The following NRCAM variants were observed in gnomAD, a reference collection of about 807,000 sequenced individuals.
NRCAM encodes the protein neuronal cell adhesion molecule.
In NRCAM, 83 loss-of-function variants were observed where a neutral mutation model predicts 156.5. That is an observed-to-expected ratio of 0.53 (90% CI 0.44 to 0.64). The LOEUF is 0.64. Among genes scored for constraint, NRCAM ranks in the 30% least tolerant of loss-of-function variants. NRCAM has a pLI of 0.00. For missense variants in NRCAM, 1,417 were observed against 1,597.3 expected (o/e 0.89, Z 1.92); for synonymous variants, 538 against 563.9 (o/e 0.95, Z 0.65).
chr7:108,168,611 T>G (rs141035599), intron 28 of NRCAM, among the ~76,000 whole-genome samples: 2 of 152,322 alleles, frequency 1.3e-5, no homozygotes, highest in Non-Finnish European at 2.9e-5. Flanking sequence ...TCAGAAATAA[T>G]GACGCATAAT....
intron 20 of NRCAM, among the ~76,000 whole-genome samples, chr7:108,189,428 T>C (rs997620043): frequency 6.6e-6 from 1 of 152,182 alleles, no homozygotes; most frequent in Non-Finnish European, 1.5e-5. Context: ...TTAGTCAACA[T>C]CTTCAGCAAT....
chr7:108,423,792 T>C (rs916098785), intron 1 of NRCAM, among the ~76,000 whole-genome samples: 1 of 152,218 alleles, frequency 6.6e-6, no homozygotes, highest in African/African-American at 2.4e-5. Flanking sequence ...TCAGAGGCTA[T>C]TGCTTGCTGT....
chr7:108,358,462 ATT>A lies in NRCAM; in HGVS notation c.-174+40972_-174+40973del, dbSNP rs36012956. 2.6e-3 allele frequency among the ~76,000 whole-genome samples: 383 copies of A among 148,162 alleles called. 3 individuals carry two copies. Among genetic ancestry groups the A allele is most frequent in the African/African-American group, 9.1e-3 (367 of 40,410 alleles). On this transcript the variant is annotated intron_variant, in intron 2 of 32. Transcript: ENST00000379028. ...TGCCACTGTCCCAGTATTCCTACGTATTTTTTTTTTTCTTTTTAAAGAGAGGT... is the reference window on the plus strand; with the variant it reads ...TGCCACTGTCCCAGTATTCCTACGTATTTTTTTTTCTTTTTAAAGAGAGGT...
chr7:108,340,743 T>C (rs1461481186), intron 2 of NRCAM, among the ~76,000 whole-genome samples: 1 of 152,196 alleles, frequency 6.6e-6, no homozygotes, highest in African/African-American at 2.4e-5. Flanking sequence ...AAGAAAATCC[T>C]ACCGCCTTTC....
At chr7:108,426,574 G>C (rs1442988991) in intron 1 of NRCAM, among the ~76,000 whole-genome samples, 1 of 152,122 alleles carries the variant, frequency 6.6e-6, no homozygotes, top group Non-Finnish European at 1.5e-5. Flanking sequence ...GTCTAAGATG[G>C]GGGTGAAAAA....
At chr7:108,226,458 C>T (rs980341902) in intron 8 of NRCAM, 80 bp from the exon 9 acceptor site, 14 of 918,804 alleles carry the variant, frequency 1.5e-5, no homozygotes, top group Admixed American at 1.3e-4. Context: ...AATGTACCTA[C>T]TAATAGGTCT....
intron 3 of NRCAM, among the ~76,000 whole-genome samples, chr7:108,270,697 G>A (rs1247495932): frequency 1.3e-5 from 2 of 152,208 alleles, no homozygotes; most frequent in African/African-American, 4.8e-5. Flanking sequence ...CACATACAGT[G>A]GGAAATTATT....
At chr7:108,155,434 A>T (rs2044741945) in intron 32 of NRCAM, among the ~76,000 whole-genome samples, 1 of 152,056 alleles carries the variant, frequency 6.6e-6, no homozygotes, top group Admixed American at 6.6e-5. Context: ...TGATACTTAG[A>T]TTCATGAATC....
At chr7:108,280,579 GTCTCAAAAA>G in intron 3 of NRCAM, among the ~76,000 whole-genome samples, 1 of 152,292 alleles carries the variant, frequency 6.6e-6, no homozygotes, top group South Asian at 2.1e-4. Context: ...TCATTGAACT[GTCTCAAAAA>G]TCATGATGAG....
At chr7:108,373,457 A>G (rs2099642075) in intron 2 of NRCAM, among the ~76,000 whole-genome samples, 1 of 152,210 alleles carries the variant, frequency 6.6e-6, no homozygotes, top group Non-Finnish European at 1.5e-5. Context: ...AGACCTGTTC[A>G]GAGGGTATGG....
rs539929549 is a variant in NRCAM at position 108,213,824 on chromosome 7, G to A, written c.891-4219C>T. On this transcript the variant is annotated intron_variant, in intron 11 of 32. Coordinates refer to ENST00000379028, the MANE Select transcript of NRCAM (RefSeq NM_001037132.4). ...GCATGAAGGGCTGTTGAATTTTGTC[G>A]AAGGCCTTTTCTGCATCTATTAAGA... Among the ~76,000 whole-genome samples the A allele has an allele frequency of 1.4e-4, 22 of 152,160 alleles. No homozygotes were observed. The South Asian group carries it at 3.7e-3, about 26-fold the overall frequency.
intron 3 of NRCAM, among the ~76,000 whole-genome samples, chr7:108,276,236 ATGTCTATTAGG>A (rs984190808): frequency 6.6e-6 from 1 of 152,184 alleles, no homozygotes; most frequent in African/African-American, 2.4e-5. Flanking sequence ...AGTTCTGTAG[ATGTCTATTAGG>A]TCTGGTTGTT....
chr7:108,275,008 G>T (rs1039747643), intron 3 of NRCAM, among the ~76,000 whole-genome samples: 4 of 152,102 alleles, frequency 2.6e-5, no homozygotes, highest in African/African-American at 7.2e-5. Context: ...TGTGGTTTTG[G>T]TCACTGGTTC....
chr7:108,166,394 CCCA>C (rs1363050272), intron 30 of NRCAM, among the ~76,000 whole-genome samples: 1 of 151,716 alleles, frequency 6.6e-6, no homozygotes, highest in Non-Finnish European at 1.5e-5. Flanking sequence ...ATTACAGGCG[CCCA>C]CCACCATGCC....
At chr7:108,216,978 T>C (rs1283927659) in intron 11 of NRCAM, among the ~76,000 whole-genome samples, 1 of 152,190 alleles carries the variant, frequency 6.6e-6, no homozygotes, top group Admixed American at 6.5e-5. Context: ...TTGTGATCCT[T>C]TGGAGGAGAA....
intron 17 of NRCAM, among the ~76,000 whole-genome samples, chr7:108,192,142 G>A (rs1422989331): frequency 6.6e-6 from 1 of 152,188 alleles, no homozygotes; most frequent in Non-Finnish European, 1.5e-5. Flanking sequence ...GTACTGTCCT[G>A]TTAGGAACTG....
chr7:108,256,531 T>A (rs1283861179), intron 3 of NRCAM, among the ~76,000 whole-genome samples: 1 of 151,252 alleles, frequency 6.6e-6, no homozygotes, highest in Admixed American at 6.6e-5. Flanking sequence ...GAGACCCTTG[T>A]TCACATGTTT....
At chr7:108,430,511 G>C (rs7792321) in intron 1 of NRCAM, among the ~76,000 whole-genome samples, 95,036 of 152,048 alleles carry the variant, frequency 0.63, 30,985 homozygotes, top group East Asian at 0.93. Flanking sequence ...CCATGCAAGT[G>C]AAAGGACGGG....
At chr7:108,229,748 A>T (rs2094045453) in intron 8 of NRCAM, among the ~76,000 whole-genome samples, 1 of 152,068 alleles carries the variant, frequency 6.6e-6, no homozygotes, top group Non-Finnish European at 1.5e-5. Context: ...CAGGCCTCTC[A>T]CATCCCAAAC....
Sources: allele counts gnomAD v4.1 joint callset (sites outside exome capture counted in the v4.1 genomes callset), GRCh38; gene constraint gnomAD v4.1.1; transcripts MANE v1.5; gene names NCBI Gene and HGNC (gene_info 2026-07-23, HGNC 2026-07-21).